RRH: variants seen among roughly 807,000 people sequenced by gnomAD.
The protein encoded by RRH is visual pigment-like receptor peropsin.
In RRH, 36 loss-of-function variants were observed where a neutral mutation model predicts 33.1. That is an observed-to-expected ratio of 1.09 (90% CI 0.83 to 1.44). The LOEUF is 1.44. Among genes scored for constraint, RRH ranks in the 40% most tolerant of loss-of-function variants. The pLI is 0.00. For synonymous variants in RRH, 124 were observed against 140.2 expected, an observed-to-expected ratio of 0.88 and a Z score of 0.82; for missense variants, 393 against 420.2, an observed-to-expected ratio of 0.94 and a Z score of 0.57.
In RRH at chr4:109,835,466, G is replaced by A; in HGVS notation, c.397+1G>A. 4 of 1,606,622 alleles carry A rather than the reference G, an allele frequency of 2.5e-6. No individual in the cohort carries two copies. Among genetic ancestry groups the A allele is most frequent in the Non-Finnish European group, 3.4e-6 (4 of 1,173,232 alleles). Reference sequence around the variant, plus strand: ...CTGACCATCTGCCTTCCTGACGTAGGTACAACACTTTTCTCAGCTTTCTTA... The same window carrying A: ...CTGACCATCTGCCTTCCTGACGTAGATACAACACTTTTCTCAGCTTTCTTA... On this transcript the variant is annotated splice_donor_variant, in intron 3 of 6. Transcript: ENST00000317735. LOFTEE classifies it high-confidence loss of function.
rs544557217 is a variant in RRH, at chr4:109,827,986, G to A, written c.-42G>A. ...GCTCATAAAGCAGTTCATAATTATC[G>A]AAGGCTTATTATGAAGGGTGTTTCG... On this transcript the variant is annotated 5_prime_UTR_variant, in exon 1 of 7. Coordinates refer to ENST00000317735, the MANE Select transcript of RRH (RefSeq NM_006583.5). 6.2e-5 allele frequency: 77 copies of A among 1,240,702 alleles called. 2 individuals are homozygous for A. The South Asian group carries it at 7.7e-4, about 12-fold the overall frequency. The allele number at this position is 1,240,702 out of a possible 1,614,324, so 76.9% of individuals were successfully genotyped here.
At chr4:109,837,385 C>T in intron 4 of RRH, 52 bp from the exon 5 acceptor site, 1 of 1,445,060 alleles carries the variant, frequency 6.9e-7, no homozygotes, top group Non-Finnish European at 9.7e-7. Flanking sequence ...TTTCTCCTTC[C>T]CCCACTTAGG....
chr4:109,836,364 CT>C (rs913187326), intron 4 of RRH, among the ~76,000 whole-genome samples: 9 of 152,344 alleles, frequency 5.9e-5, no homozygotes, highest in African/African-American at 2.2e-4. Flanking sequence ...ATCCAGCTCC[CT>C]TTGTCTCCTT....
chr4:109,830,728 A>G (rs1733730740), intron 1 of RRH, among the ~76,000 whole-genome samples: 1 of 152,036 alleles, frequency 6.6e-6, no homozygotes, highest in African/African-American at 2.4e-5. Flanking sequence ...GGTATGAAGA[A>G]ATTACTCAGA....
intron 1 of RRH, among the ~76,000 whole-genome samples, 185 bp from the exon 2 acceptor site, chr4:109,832,954 A>C (rs1733790227): frequency 6.6e-6 from 1 of 152,204 alleles, no homozygotes; most frequent in African/African-American, 2.4e-5. Flanking sequence ...TAATTTTCTC[A>C]TTTCTGTTTC....
At position 109,837,510 on chromosome 4, in the gene RRH, T is replaced by C; in HGVS notation, c.625T>C (p.Tyr209His). The change falls in exon 5 of 7, where the codon TAT becomes CAT. Residue 209 changes from tyrosine (Y) to histidine (H), a missense_variant. Physicochemically the swap from Tyr to His is moderately conservative, Grantham distance 83 (BLOSUM62 2). Transcript: ENST00000317735. The part of the protein sequence containing the change: ...IVPLTVMFYC[Y>H]YHVTLSIKHH... ...GCCCTTGACAGTGATGTTTTACTGCTATTACCATGTCACGCTATCCATTAA... is the reference window on the plus strand; with the variant it reads ...GCCCTTGACAGTGATGTTTTACTGCCATTACCATGTCACGCTATCCATTAA... The C allele has an allele frequency of 1.2e-6, 2 of 1,613,602 alleles. No individual in the cohort carries two copies. The highest frequency in any genetic ancestry group is 1.7e-6 in the Non-Finnish European group (2 of 1,179,468).
Position 109,836,156 on chromosome 4 carries a change from G to T in RRH, c.547G>T (p.Asp183Tyr). The T allele has an allele frequency of 2.5e-6, 4 of 1,614,044 alleles. No homozygotes were observed. Among genetic ancestry groups the T allele is most frequent in the African/African-American group, 1.3e-5 (1 of 75,038 alleles). Residue 183 changes from aspartate (D) to tyrosine (Y), a missense_variant, in exon 4 of 7, where the codon GAT becomes TAT. Transcript: ENST00000317735. ...GTGTACCATAAACTGGAGGAAAAAT[G>T]ATAGGTAAGAGACAAGTTTACACTT... Reference protein sequence around the residue: ...ATCTINWRKNDRSFVSYTMTV... With the variant: ...ATCTINWRKNYRSFVSYTMTV...
intron 3 of RRH, among the ~76,000 whole-genome samples, 154 bp from the exon 4 acceptor site, chr4:109,835,853 C>A (rs190245739): frequency 8.6e-5 from 13 of 152,010 alleles, no homozygotes; most frequent in Admixed American, 7.9e-4. Flanking sequence ...ATTTGTGTTA[C>A]TTTTATTAGG....
chr4:109,829,348 A>G (rs1371408963), intron 1 of RRH, among the ~76,000 whole-genome samples: 1 of 151,850 alleles, frequency 6.6e-6, no homozygotes, highest in Non-Finnish European at 1.5e-5. Context: ...GACTGAGAAA[A>G]TCTCCTAACA....
At position 109,827,985 on chromosome 4, in the gene RRH, C is replaced by T. The variant is rs763431221; in HGVS notation, c.-43C>T. ...AGCTCATAAAGCAGTTCATAATTAT[C>T]GAAGGCTTATTATGAAGGGTGTTTC... On this transcript the variant is annotated 5_prime_UTR_variant, in exon 1 of 7. Transcript: ENST00000317735. 20 of 1,245,592 alleles carry T rather than the reference C, an allele frequency of 1.6e-5. No homozygotes were observed. Among genetic ancestry groups the T allele is most frequent in the African/African-American group, 8.9e-5 (6 of 67,396 alleles). 77.2% of individuals were successfully genotyped at this position (1,245,592 alleles called of 1,614,324 possible).
rs142652547 is a variant in RRH at position 109,837,383 on chromosome 4, T to TC, written c.552-49dup. ...TTAATAATTATCTCCTCTTTCTCCT[T>TC]CCCCCACTTAGGACATTAAATGAGC... On this transcript the variant is annotated intron_variant, in intron 4 of 6. Transcript: ENST00000317735. The TC allele has an allele frequency of 2.5e-3, 3,539 of 1,424,902 alleles. 61 individuals are homozygous for TC. In the African/African-American group the frequency reaches 0.037, roughly 15 times the overall value. The allele number at this position is 1,424,902 out of a possible 1,614,324, so 88.3% of individuals were successfully genotyped here. A position where few individuals can be genotyped will look rare whatever the true frequency, so the allele number is the denominator to read the frequency against.
chr4:109,835,552 A>G, intron 3 of RRH, 87 bp downstream of exon 3: 1 of 966,610 alleles, frequency 1.0e-6, no homozygotes, highest in Non-Finnish European at 1.7e-6. Flanking sequence ...TATAAACCTA[A>G]TGGTTTGTAG....
rs1242892146 is a variant in RRH at position 109,835,366 on chromosome 4, G to T, written c.298G>T (p.Val100Phe). The change falls in exon 3 of 7, where the codon GTT (valine) becomes TTT (phenylalanine). Residue 100 changes from valine to phenylalanine, a missense_variant and splice_region_variant. By Grantham distance (50) the Val-to-Phe change is conservative. Coordinates refer to ENST00000317735, the MANE Select transcript of RRH (RefSeq NM_006583.5). ...GAGTCTTTTCAATTTTGGTTTTCAG[G>T]TTTATGCTGGATTGAATATTTTTTT... ...SWKFGYAGCQ[V>F]YAGLNIFFGM... 1.9e-6 allele frequency: 3 copies of T among 1,613,146 alleles called. No individual in the cohort carries two copies. Among genetic ancestry groups the T allele is most frequent in the Non-Finnish European group, 2.5e-6 (3 of 1,179,180 alleles).
rs201839056 is a variant in RRH at position 109,839,259 on chromosome 4, TA to T, written c.720+1660del. On this transcript the variant is annotated intron_variant, in intron 5 of 6. Transcript: ENST00000317735. ...AAAAAAAGTGGTTTAATGTAGTACT[TA>T]AAAAACAATATTAATGTAAAAATTA... 4.6e-4 allele frequency among the ~76,000 whole-genome samples: 70 copies of T among 152,144 alleles called. 1 individual carries two copies. The East Asian group carries it at 0.013, about 28-fold the overall frequency.
At position 109,844,221 on chromosome 4, in the gene RRH, C is replaced by A; in HGVS notation, c.*24C>A. 1 of 1,414,410 alleles carries A rather than the reference C, an allele frequency of 7.1e-7. No homozygotes were observed. The highest frequency in any genetic ancestry group is 1.1e-5 in the South Asian group (1 of 86,980). 87.6% of individuals were successfully genotyped at this position (1,414,410 alleles called of 1,614,324 possible). A position where few individuals can be genotyped will look rare whatever the true frequency, so the allele number is the denominator to read the frequency against. On this transcript the variant is annotated 3_prime_UTR_variant, in exon 7 of 7. Coordinates refer to ENST00000317735, the MANE Select transcript of RRH (RefSeq NM_006583.5). ...GAAATAAGATAAAAGGACACACTAT[C>A]AAAACACTTTAGTTTTTTGACAATG...
intron 5 of RRH, among the ~76,000 whole-genome samples, chr4:109,838,372 T>C (rs554257967): frequency 3.3e-5 from 5 of 152,308 alleles, no homozygotes; most frequent in Admixed American, 3.3e-4. Flanking sequence ...GGCCTCTTGC[T>C]CTGCTTTGAA....
chr4:109,838,126 A>G (rs112103556), intron 5 of RRH, among the ~76,000 whole-genome samples: 20 of 151,886 alleles, frequency 1.3e-4, no homozygotes, highest in African/African-American at 4.6e-4. Flanking sequence ...TCTTTTGGAT[A>G]TTTTTGTTGG....
chr4:109,832,726 G>A (rs1420420187), intron 1 of RRH, among the ~76,000 whole-genome samples: 1 of 151,986 alleles, frequency 6.6e-6, no homozygotes, highest in African/African-American at 2.4e-5. Context: ...GCTTGAGAAA[G>A]GCAACTATCG....
Position 109,835,472 on chromosome 4 carries a change from C to T in RRH, c.397+7C>T. The T allele has an allele frequency of 1.3e-6, 2 of 1,595,908 alleles. No homozygotes were observed. The highest frequency in any genetic ancestry group is 1.3e-5 in the African/African-American group (1 of 74,612). ...ATCTGCCTTCCTGACGTAGGTACAA[C>T]ACTTTTCTCAGCTTTCTTAATGAAT... On this transcript the variant is annotated splice_region_variant and intron_variant, in intron 3 of 6. Coordinates refer to ENST00000317735, the MANE Select transcript of RRH (RefSeq NM_006583.5).
Sources: allele counts gnomAD v4.1 joint callset (sites outside exome capture counted in the v4.1 genomes callset), GRCh38; gene constraint gnomAD v4.1.1; transcripts MANE v1.5; gene names NCBI Gene and HGNC (gene_info 2026-07-23, HGNC 2026-07-21).